Variants in PEMT observed in about 807,000 individuals in gnomAD.
PEMT encodes the protein phosphatidylethanolamine N-methyltransferase, also known as phospholipid methyltransferase.
In PEMT, 23 loss-of-function variants were observed where a neutral mutation model predicts 27.4. The observed-to-expected ratio is 0.84, with a 90% CI of 0.60 to 1.19. The LOEUF (loss-of-function observed/expected upper bound fraction) is 1.19, where lower values mean the gene tolerates loss of function less well. PEMT is among the 50% of genes most tolerant of loss of function. The probability of loss-of-function intolerance (pLI) is 0.00; values close to 1 mark genes in which losing one functional copy is unlikely to be tolerated. For synonymous variants in PEMT, 137 were observed against 139.1 expected (o/e 0.98, Z 0.11); for missense variants, 307 against 310.1 (o/e 0.99, Z 0.07).
chr17:17,537,346 C>T (rs905062779), intron 2 of PEMT, among the ~76,000 whole-genome samples: 3 of 152,226 alleles, frequency 2.0e-5, no homozygotes, highest in African/African-American at 4.8e-5. Context: ...AACCCCCCAC[C>T]GGCCAGAGGG....
At chr17:17,583,074 A>C (rs1912064206) in intron 1 of PEMT, among the ~76,000 whole-genome samples, 1 of 148,970 alleles carries the variant, frequency 6.7e-6, no homozygotes, top group Non-Finnish European at 1.5e-5. Context: ...AAAAAAAAAA[A>C]AAGAAGAAGT....
chr17:17,514,698 A>G (rs1489030115), intron 3 of PEMT, among the ~76,000 whole-genome samples: 1 of 152,206 alleles, frequency 6.6e-6, no homozygotes. Flanking sequence ...AGGTGGCCAC[A>G]TGCACACCCA....
intron 2 of PEMT, chr17:17,570,725 A>T: frequency 1.0e-6 from 1 of 985,348 alleles, no homozygotes; most frequent in South Asian, 4.7e-5. Flanking sequence ...TTTCCTGGAA[A>T]ACCTGGGGAC....
At chr17:17,550,673 C>T (rs1020106872) in intron 2 of PEMT, among the ~76,000 whole-genome samples, 2 of 152,186 alleles carry the variant, frequency 1.3e-5, no homozygotes, top group Non-Finnish European at 2.9e-5. Context: ...ATTTTCCAGC[C>T]CGCTTATTCT....
intron 2 of PEMT, among the ~76,000 whole-genome samples, chr17:17,537,692 C>T (rs1191126526): frequency 2.0e-5 from 3 of 152,214 alleles, no homozygotes; most frequent in Non-Finnish European, 1.5e-5. Context: ...AGGCCCGGAC[C>T]ACTCTTTGCT....
At chr17:17,536,189 T>A (rs1404965827) in intron 2 of PEMT, among the ~76,000 whole-genome samples, 1 of 152,186 alleles carries the variant, frequency 6.6e-6, no homozygotes, top group African/African-American at 2.4e-5. Context: ...CAGCCATGTA[T>A]CCTATTCAAT....
chr17:17,552,215 G>A (rs1909703019), intron 2 of PEMT, among the ~76,000 whole-genome samples: 1 of 152,064 alleles, frequency 6.6e-6, no homozygotes, highest in South Asian at 2.1e-4. Flanking sequence ...GGGAGGCTGA[G>A]GCAGGAGAAT....
rs539792043 is a variant in PEMT, at chr17:17,575,727, C to T, written c.204+1193G>A. Among the ~76,000 whole-genome samples the T allele has an allele frequency of 2.6e-5, 4 of 152,320 alleles. No homozygotes were observed. In the South Asian group the frequency reaches 8.3e-4, roughly 32 times the overall value. On this transcript the variant is annotated intron_variant, in intron 2 of 6. Coordinates refer to ENST00000255389, the MANE Select transcript of PEMT (RefSeq NM_148172.3). ...CTACACCAAGCTCGCCAGTCTCACT[C>T]CCACCTCTGGACCTCCCCTCGAAGC...
intron 2 of PEMT, among the ~76,000 whole-genome samples, chr17:17,564,236 C>T (rs1488550589): frequency 1.3e-5 from 2 of 152,162 alleles, no homozygotes; most frequent in East Asian, 3.9e-4. Flanking sequence ...GGCTCTTACC[C>T]CTCTGGGACT....
At chr17:17,556,854 C>G (rs953983439) in intron 2 of PEMT, among the ~76,000 whole-genome samples, 1 of 152,138 alleles carries the variant, frequency 6.6e-6, no homozygotes, top group Non-Finnish European at 1.5e-5. Flanking sequence ...AAATCAAATG[C>G]GTCTGCAGAT....
intron 2 of PEMT, among the ~76,000 whole-genome samples, chr17:17,559,688 G>A (rs1194094833): frequency 1.3e-5 from 2 of 152,216 alleles, no homozygotes. Flanking sequence ...GTGAGTCTGG[G>A]CCAGGATTCC....
chr17:17,526,170 T>G (rs1907647575), intron 2 of PEMT, among the ~76,000 whole-genome samples: 1 of 152,174 alleles, frequency 6.6e-6, no homozygotes, highest in Non-Finnish European at 1.5e-5. Context: ...AGTTCCCAGC[T>G]GAGCTCTGGA....
intron 1 of PEMT, among the ~76,000 whole-genome samples, chr17:17,583,649 C>T (rs1166822828): frequency 1.3e-5 from 2 of 152,214 alleles, no homozygotes; most frequent in African/African-American, 2.4e-5. Context: ...AGGTTACCTT[C>T]TGCACAGAAG....
Position 17,582,345 on chromosome 17 carries a change from C to A in PEMT, c.97-5318G>T. The stretch of plus-strand genomic sequence containing the variant: ...CGACGAATAGCCTCAGCTGTTAACA[C>A]CCCAAAGCATGGGTAAGGAAGAGGC... On this transcript the variant is annotated intron_variant, in intron 1 of 6. Coordinates refer to ENST00000255389, the MANE Select transcript of PEMT (RefSeq NM_148172.3). This position sits in a 1 kb window ranked among gnomAD's most constrained non-coding sequence, Gnocchi z 4.9. 2.0e-6 allele frequency: 2 copies of A among 985,192 alleles called. No homozygotes were observed. Among genetic ancestry groups the A allele is most frequent in the Non-Finnish European group, 2.4e-6 (2 of 829,688 alleles). The allele number at this position is 985,192 out of a possible 1,614,324, so 61.0% of individuals were successfully genotyped here. A position where few individuals can be genotyped will look rare whatever the true frequency, so the allele number is the denominator to read the frequency against.
chr17:17,591,464 C>T (rs1356086056), intron 1 of PEMT, 67 bp downstream of exon 1: 1 of 1,316,192 alleles, frequency 7.6e-7, no homozygotes, highest in Non-Finnish European at 1.1e-6. Flanking sequence ...GCGCCGCAAG[C>T]CTTCACGCCC....
At chr17:17,591,412 C>T in intron 1 of PEMT, 119 bp downstream of exon 1, 1 of 851,528 alleles carries the variant, frequency 1.2e-6, no homozygotes, top group Non-Finnish European at 1.8e-6. Flanking sequence ...CGCCACGCCC[C>T]CATTGCCTGG....
At chr17:17,521,709 C>A (rs866538905) in intron 3 of PEMT, among the ~76,000 whole-genome samples, 1 of 152,102 alleles carries the variant, frequency 6.6e-6, no homozygotes, top group Non-Finnish European at 1.5e-5. Flanking sequence ...GGATTACAGG[C>A]GCATGCACCA....
intron 2 of PEMT, among the ~76,000 whole-genome samples, chr17:17,534,317 G>A (rs1360553688): frequency 6.6e-6 from 1 of 152,206 alleles, no homozygotes; most frequent in African/African-American, 2.4e-5. Context: ...AAATAACTAT[G>A]CTGAGTGAAA....
At chr17:17,541,828 C>A (rs1237892933) in intron 2 of PEMT, among the ~76,000 whole-genome samples, 1 of 152,210 alleles carries the variant, frequency 6.6e-6, no homozygotes, top group Non-Finnish European at 1.5e-5. Context: ...AGCCCCTTGC[C>A]CAGAGAGAAA....
Sources: gnomAD v4.1 joint callset for allele counts (sites outside exome capture counted in the v4.1 genomes callset) on GRCh38, gnomAD v4.1.1 for gene constraint, Gnocchi (gnomAD v3.1) non-coding constraint, MANE v1.5 for transcripts, NCBI Gene and HGNC (gene_info 2026-07-23, HGNC 2026-07-21) for gene names.